The following ADRA1B variants were observed in gnomAD, a reference collection of about 807,000 sequenced individuals.
ADRA1B encodes the protein adrenoceptor alpha 1B.
ADRA1B carries 17 observed loss-of-function variants against 17.9 expected under a neutral mutation model. The observed-to-expected ratio is 0.95, with a 90% CI of 0.65 to 1.42. ADRA1B has a LOEUF of 1.42. Ranked by LOEUF, ADRA1B falls within the 40% of genes most tolerant of loss-of-function variation. The pLI is 0.00. For synonymous variants in ADRA1B, 366 were observed against 327.6 expected (o/e 1.12, Z -1.27); for missense variants, 681 against 722.1 (o/e 0.94, Z 0.65).
chr5:159,908,118 G>A (rs144529939), intron 1 of ADRA1B, among the ~76,000 whole-genome samples: 244 of 152,262 alleles, frequency 1.6e-3, no homozygotes, highest in Middle Eastern at 6.8e-3. Context: ...CCCAGGAAGT[G>A]TTAGGAGGAG....
chr5:159,940,105 A>C (rs905571375), intron 1 of ADRA1B, among the ~76,000 whole-genome samples: 5 of 152,208 alleles, frequency 3.3e-5, no homozygotes, highest in African/African-American at 1.2e-4. Flanking sequence ...GTGGAAAAAG[A>C]TCGATTCCAA....
chr5:159,901,811 T>A (rs1312304505), intron 1 of ADRA1B, among the ~76,000 whole-genome samples: 1 of 152,122 alleles, frequency 6.6e-6, no homozygotes, highest in Non-Finnish European at 1.5e-5. Flanking sequence ...AGATATCACC[T>A]CACACCCATT....
At chr5:159,930,176 T>A (rs1165488158) in intron 1 of ADRA1B, among the ~76,000 whole-genome samples, 1 of 152,232 alleles carries the variant, frequency 6.6e-6, no homozygotes, top group African/African-American at 2.4e-5. Flanking sequence ...CTACAAACAA[T>A]GTTGGATGAA....
chr5:159,881,772 A>G (rs1397293088), intron 1 of ADRA1B, among the ~76,000 whole-genome samples: 1 of 152,142 alleles, frequency 6.6e-6, no homozygotes, highest in Non-Finnish European at 1.5e-5. Flanking sequence ...TTATAAATAG[A>G]TCTGAGAGGT....
intron 1 of ADRA1B, among the ~76,000 whole-genome samples, chr5:159,922,360 A>G (rs1008579326): frequency 6.6e-6 from 1 of 152,234 alleles, no homozygotes; most frequent in African/African-American, 2.4e-5. Context: ...TAGGGCCAAA[A>G]GTTGAATCCA....
chr5:159,939,346 A>C (rs1245801575), intron 1 of ADRA1B, among the ~76,000 whole-genome samples: 2 of 146,660 alleles, frequency 1.4e-5, no homozygotes, highest in Middle Eastern at 3.6e-3. Context: ...CACACAATGC[A>C]CTGAGGATAG....
chr5:159,902,004 A>G (rs189569484), intron 1 of ADRA1B, among the ~76,000 whole-genome samples: 3 of 152,350 alleles, frequency 2.0e-5, no homozygotes, highest in Non-Finnish European at 2.9e-5. Flanking sequence ...CTCAGTATAT[A>G]TTAAAGGAAT....
chr5:159,874,709 C>A (rs1448720156), intron 1 of ADRA1B, among the ~76,000 whole-genome samples: 1 of 152,158 alleles, frequency 6.6e-6, no homozygotes, highest in East Asian at 1.9e-4. Context: ...AATTAAACAA[C>A]CTGTGTGGGT....
At chr5:159,901,423 AG>A (rs1341561283) in intron 1 of ADRA1B, among the ~76,000 whole-genome samples, 1 of 32,126 alleles carries the variant, frequency 3.1e-5, no homozygotes, top group Non-Finnish European at 5.4e-5. Flanking sequence ...GAGAAGGGGG[AG>A]GGAGAGGGGG....
chr5:159,936,694 A>G (rs1754964277), intron 1 of ADRA1B, among the ~76,000 whole-genome samples: 1 of 152,188 alleles, frequency 6.6e-6, no homozygotes, highest in Non-Finnish European at 1.5e-5. Context: ...AGGCCCAGGA[A>G]CTGGCGTGGC....
chr5:159,958,532 T>C (rs1396360139), intron 1 of ADRA1B, among the ~76,000 whole-genome samples: 1 of 152,210 alleles, frequency 6.6e-6, no homozygotes, highest in Non-Finnish European at 1.5e-5. Flanking sequence ...ACTCTTACCA[T>C]TCCTCTTTAT....
At chr5:159,888,983 A>T (rs1382671058) in intron 1 of ADRA1B, among the ~76,000 whole-genome samples, 1 of 152,240 alleles carries the variant, frequency 6.6e-6, no homozygotes, top group Admixed American at 6.5e-5. Context: ...TGGACGGCTC[A>T]TCCAAGCTCC....
rs1755317331 is a variant in ADRA1B at position 159,947,760 on chromosome 5, C to CA, written c.950-24117dup. On this transcript the variant is annotated intron_variant, in intron 1 of 1. Transcript: ENST00000306675. ...AATCCAGGAAAGAAATGAATGAGCA[C>CA]AATTTAAATCTCTCCAGCCTAGAGT... The CA allele has an allele frequency of 3.0e-6, 3 of 985,280 alleles. No homozygotes were observed. The South Asian group carries it at 1.4e-4, about 46-fold the overall frequency. The allele number at this position is 985,280 out of a possible 1,614,324, so 61.0% of individuals were successfully genotyped here. A position where few individuals can be genotyped will look rare whatever the true frequency, so the allele number is the denominator to read the frequency against.
intron 1 of ADRA1B, among the ~76,000 whole-genome samples, chr5:159,898,008 C>T (rs561846027): frequency 1.4e-4 from 22 of 152,358 alleles, no homozygotes; most frequent in African/African-American, 5.0e-4. Flanking sequence ...GGCTCCCTGC[C>T]ACTTCCGGCT....
intron 1 of ADRA1B, among the ~76,000 whole-genome samples, chr5:159,968,900 A>G (rs977650443): frequency 2.0e-5 from 3 of 152,140 alleles, no homozygotes; most frequent in African/African-American, 2.4e-5. Context: ...TTTATTCTCC[A>G]GTTTCCCATT....
chr5:159,909,722 A>C (rs2113132472), intron 1 of ADRA1B, among the ~76,000 whole-genome samples: 1 of 152,344 alleles, frequency 6.6e-6, no homozygotes, highest in Non-Finnish European at 1.5e-5. Context: ...TTCCATAATA[A>C]ATGGTGAAAC....
the ADRA1B span, among the ~76,000 whole-genome samples, chr5:159,982,908 A>G: frequency 6.6e-6 from 1 of 152,122 alleles, no homozygotes; most frequent in African/African-American, 2.4e-5. Context: ...CTCACTACCT[A>G]AATGTTTCAT....
intron 1 of ADRA1B, among the ~76,000 whole-genome samples, chr5:159,904,786 C>T (rs1205338305): frequency 6.6e-6 from 1 of 152,198 alleles, no homozygotes; most frequent in Admixed American, 6.5e-5. Flanking sequence ...TGACTCTCTT[C>T]CCATAAAGAG....
chr5:159,984,873 C>T, the ADRA1B span, among the ~76,000 whole-genome samples: 1 of 151,442 alleles, frequency 6.6e-6, no homozygotes, highest in East Asian at 1.9e-4. Flanking sequence ...CCACATCACT[C>T]CAGCCTAGGC....
Sources: gnomAD v4.1 joint callset for allele counts (sites outside exome capture counted in the v4.1 genomes callset) on GRCh38, gnomAD v4.1.1 for gene constraint, MANE v1.5 for transcripts, NCBI Gene and HGNC (gene_info 2026-07-23, HGNC 2026-07-21) for gene names.